ERBB4: variants seen among roughly 807,000 people sequenced by gnomAD.
ERBB4 encodes erb-b2 receptor tyrosine kinase 4.
A neutral mutation model predicts 158.0 loss-of-function variants in ERBB4; 42 were observed. The observed-to-expected ratio is 0.27, with a 90% CI of 0.21 to 0.34. The LOEUF is 0.34. Among genes scored for constraint, ERBB4 ranks in the 10% least tolerant of loss-of-function variants. ERBB4 has a pLI of 1.00. For missense variants in ERBB4, 1,333 were observed against 1,624.1 expected, an observed-to-expected ratio of 0.82 and a Z score of 3.08; for synonymous variants, 583 against 558.7, an observed-to-expected ratio of 1.04 and a Z score of -0.61.
At chr2:211,513,378 A>G (rs2065936191) in intron 20 of ERBB4, among the ~76,000 whole-genome samples, 1 of 50,296 alleles carries the variant, frequency 2.0e-5, no homozygotes, top group Non-Finnish European at 5.4e-5. Context: ...AAAAAAAAAC[A>G]AAAAAAAAAC....
intron 3 of ERBB4, among the ~76,000 whole-genome samples, chr2:211,905,747 T>C: frequency 1.1e-5 from 1 of 93,534 alleles, no homozygotes; most frequent in Middle Eastern, 5.6e-3. Context: ...TGTGTGTGTA[T>C]ATATATATAT....
intron 1 of ERBB4, among the ~76,000 whole-genome samples, chr2:212,497,686 A>G (rs1690656170): frequency 6.6e-6 from 1 of 152,162 alleles, no homozygotes; most frequent in African/African-American, 2.4e-5. Context: ...GCTTATCTAA[A>G]GTATCAATTA....
At chr2:211,525,414 A>C (rs2066320032) in intron 20 of ERBB4, among the ~76,000 whole-genome samples, 1 of 152,192 alleles carries the variant, frequency 6.6e-6, no homozygotes, top group South Asian at 2.1e-4. Context: ...CTTAGCAGCC[A>C]AATGACATTT....
chr2:211,663,144 C>A (rs907527229), intron 15 of ERBB4, among the ~76,000 whole-genome samples: 8 of 152,166 alleles, frequency 5.3e-5, no homozygotes, highest in African/African-American at 1.9e-4. Flanking sequence ...TAATGTTGAA[C>A]TGCAATAGAA....
At chr2:212,342,215 CAACATAA>C (rs1362373320) in intron 1 of ERBB4, among the ~76,000 whole-genome samples, 5 of 152,098 alleles carry the variant, frequency 3.3e-5, no homozygotes, top group Non-Finnish European at 7.4e-5. Context: ...TTAATACAAG[CAACATAA>C]ATGATATGAT....
chr2:211,425,737 A>G (rs1299220199), intron 22 of ERBB4, among the ~76,000 whole-genome samples: 2 of 152,274 alleles, frequency 1.3e-5, no homozygotes, highest in East Asian at 3.9e-4. Context: ...AATGGAATGA[A>G]GAGGCATGAT....
At chr2:212,059,824 A>G (rs1401654101) in intron 2 of ERBB4, among the ~76,000 whole-genome samples, 1 of 152,240 alleles carries the variant, frequency 6.6e-6, no homozygotes, top group African/African-American at 2.4e-5. Flanking sequence ...CATTAGATCT[A>G]AAACCATAAA....
intron 2 of ERBB4, among the ~76,000 whole-genome samples, chr2:211,951,108 A>G (rs1004404483): frequency 6.6e-6 from 1 of 152,176 alleles, no homozygotes; most frequent in Admixed American, 6.6e-5. Flanking sequence ...TCTTTTGCCT[A>G]CAACATATGA....
intron 3 of ERBB4, among the ~76,000 whole-genome samples, chr2:211,827,780 G>T (rs2077135671): frequency 6.6e-6 from 1 of 151,652 alleles, no homozygotes; most frequent in African/African-American, 2.4e-5. Context: ...TCATGATCAT[G>T]CAGTTTCTTC....
intron 20 of ERBB4, among the ~76,000 whole-genome samples, chr2:211,501,971 C>T (rs2065627743): frequency 6.6e-6 from 1 of 152,066 alleles, no homozygotes; most frequent in Non-Finnish European, 1.5e-5. Context: ...TTTTCCCCTA[C>T]CTGAAATGTA....
chr2:212,265,540 A>G (rs1015988936), intron 1 of ERBB4, among the ~76,000 whole-genome samples: 4 of 152,028 alleles, frequency 2.6e-5, no homozygotes, highest in African/African-American at 9.7e-5. Context: ...GGGGTCTCTA[A>G]TGTTTCTTTA....
chr2:212,098,485 T>C (rs1301795582), intron 2 of ERBB4, among the ~76,000 whole-genome samples: 1 of 152,144 alleles, frequency 6.6e-6, no homozygotes, highest in Non-Finnish European at 1.5e-5. Context: ...TACAAATATA[T>C]AGAGTTTGGT....
intron 1 of ERBB4, among the ~76,000 whole-genome samples, chr2:212,250,248 C>A (rs2084481299): frequency 1.3e-5 from 2 of 151,840 alleles, no homozygotes; most frequent in African/African-American, 2.4e-5. Flanking sequence ...TTCATTGCTA[C>A]CTGCTGACAT....
At chr2:211,643,358 G>A (rs781670652) in intron 16 of ERBB4, among the ~76,000 whole-genome samples, 7 of 151,976 alleles carry the variant, frequency 4.6e-5, no homozygotes, top group African/African-American at 1.4e-4. Flanking sequence ...AATGATATAC[G>A]TTCTGGTCCT....
chr2:212,380,314 T>C (rs1419971076), intron 1 of ERBB4, among the ~76,000 whole-genome samples: 1 of 151,392 alleles, frequency 6.6e-6, no homozygotes. Flanking sequence ...GCAATTACAT[T>C]GTATTAGGTA....
At chr2:211,838,336 T>C (rs1283169713) in intron 3 of ERBB4, among the ~76,000 whole-genome samples, 1 of 152,116 alleles carries the variant, frequency 6.6e-6, no homozygotes, top group African/African-American at 2.4e-5. Context: ...CATCTCTACA[T>C]AGCCTCTGCT....
intron 4 of ERBB4, among the ~76,000 whole-genome samples, chr2:211,770,502 T>A (rs1203675718): frequency 6.6e-6 from 1 of 152,222 alleles, no homozygotes; most frequent in African/African-American, 2.4e-5. Flanking sequence ...ACCTTTCTCA[T>A]ATCAGTGACA....
intron 12 of ERBB4, 144 bp from the exon 13 acceptor site, chr2:211,679,328 C>T (rs1480204127): frequency 7.5e-6 from 6 of 800,448 alleles, no homozygotes; most frequent in Non-Finnish European, 1.2e-5. Context: ...ATCGTCATGT[C>T]CCATCCTACC....
intron 1 of ERBB4, among the ~76,000 whole-genome samples, chr2:212,405,724 T>C (rs1231021326): frequency 1.3e-5 from 2 of 152,148 alleles, no homozygotes; most frequent in African/African-American, 4.8e-5. Context: ...CAATTATTTT[T>C]GTATGCTGGC....
Sources: gnomAD v4.1 joint callset for allele counts (sites outside exome capture counted in the v4.1 genomes callset) on GRCh38, gnomAD v4.1.1 for gene constraint, MANE v1.5 for transcripts, NCBI Gene and HGNC (gene_info 2026-07-23, HGNC 2026-07-21) for gene names.